RBM4: variants seen among roughly 807,000 people sequenced by gnomAD.
The protein encoded by RBM4 is RNA binding motif protein 4, also known as RNA-binding protein 4.
A neutral mutation model predicts 29.5 loss-of-function variants in RBM4; 7 were observed. The observed-to-expected ratio is 0.24, with a 90% CI of 0.14 to 0.45. The LOEUF is 0.45. Among genes scored for constraint, RBM4 ranks in the 20% least tolerant of loss-of-function variants. The pLI, the probability that RBM4 is intolerant of heterozygous loss-of-function variation, is 1.00. For synonymous variants in RBM4, 220 were observed against 205.4 expected (o/e 1.07, Z -0.61); for missense variants, 387 against 502.3 (o/e 0.77, Z 2.19).
At position 66,643,913 on chromosome 11, in the gene RBM4, C is replaced by G. The variant is rs775910343; in HGVS notation, c.876C>G (p.Ala292=). The change falls in exon 3 of 4, where the codon GCC becomes GCG. Residue 292 remains alanine (A), a synonymous_variant. Coordinates refer to ENST00000310092, the MANE Select transcript of RBM4 (RefSeq NM_002896.4). This position sits in a 1 kb window ranked among gnomAD's most constrained non-coding sequence, Gnocchi z 6.1. ...CCACAGCTGCTGCTGCAGCAGCAGCCGCTGCTGCTGTTACTGCAGCTTCCA... is the reference window on the plus strand; with the variant it reads ...CCACAGCTGCTGCTGCAGCAGCAGCGGCTGCTGCTGTTACTGCAGCTTCCA... ...AAATAAAAAA[A]AAAVTAASTS... is the part of the protein sequence containing the mutation. The G allele has an allele frequency of 6.2e-7, 1 of 1,608,930 alleles. No individual in the cohort carries two copies. The highest frequency in any genetic ancestry group is 1.7e-5 in the Admixed American group (1 of 59,304).
At chr11:66,665,758 T>C in intron 2 of RBM4, 1 of 1,302,356 alleles carries the variant, frequency 7.7e-7, no homozygotes, top group Non-Finnish European at 1.0e-6. Context: ...TCAATAGCTA[T>C]ATATAGGAAT....
chr11:66,654,598 C>T (rs1938903830), intron 2 of RBM4, among the ~76,000 whole-genome samples: 1 of 151,720 alleles, frequency 6.6e-6, no homozygotes, highest in South Asian at 2.1e-4. Context: ...ATCTCCCAGG[C>T]TGAAGCTATC....
chr11:66,648,071 T>C (rs1230116029), downstream of RBM4, among the ~76,000 whole-genome samples: 1 of 152,034 alleles, frequency 6.6e-6, no homozygotes, highest in African/African-American at 2.4e-5. Flanking sequence ...CTGGGTGTGG[T>C]GGCACGCACC....
At chr11:66,655,950 A>T in intron 2 of RBM4, among the ~76,000 whole-genome samples, 1 of 151,962 alleles carries the variant, frequency 6.6e-6, no homozygotes, top group Non-Finnish European at 1.5e-5. Context: ...TCTGGGAAGA[A>T]CCAGGAAGAG....
chr11:66,658,230 G>C (rs545372795), intron 2 of RBM4, among the ~76,000 whole-genome samples: 1 of 150,208 alleles, frequency 6.7e-6, no homozygotes, highest in South Asian at 2.1e-4. Context: ...GTTTCTCCGT[G>C]GTGGTCAGGT....
intron 2 of RBM4, among the ~76,000 whole-genome samples, chr11:66,660,351 CTTTTTTTT>C (rs56839505): frequency 1.3e-4 from 16 of 127,572 alleles, no homozygotes; most frequent in Admixed American, 1.2e-3. Flanking sequence ...GGGAGTCTCT[CTTTTTTTT>C]TTTTTTTTTT....
downstream of RBM4, among the ~76,000 whole-genome samples, chr11:66,650,263 T>C (rs1026548584): frequency 2.0e-5 from 3 of 152,216 alleles, no homozygotes; most frequent in African/African-American, 4.8e-5. Context: ...GTTAACCCTG[T>C]TAACTTTGCC....
chr11:66,647,167 G>T (rs889855118), downstream of RBM4, among the ~76,000 whole-genome samples: 76 of 152,218 alleles, frequency 5.0e-4, 1 homozygote, highest in African/African-American at 1.6e-3. Context: ...TGTTTGGTCT[G>T]TACCTTCTTG....
At chr11:66,665,083 G>A (rs1383436133) in intron 2 of RBM4, 1 of 154,540 alleles carries the variant, frequency 6.5e-6, no homozygotes, top group East Asian at 1.9e-4. Context: ...TTCAGCTAAT[G>A]CTGTACCACG....
At chr11:66,664,494 CTTG>C (rs749493934) in intron 2 of RBM4, among the ~76,000 whole-genome samples, 2 of 150,926 alleles carry the variant, frequency 1.3e-5, no homozygotes, top group Admixed American at 6.6e-5. Context: ...GAGTTTCGCT[CTTG>C]TTGTCCAGGC....
At chr11:66,645,921 T>G in intron 3 of RBM4, 106 bp from the exon 4 acceptor site, 1 of 1,525,162 alleles carries the variant, frequency 6.6e-7, no homozygotes. Context: ...ACAAGTAAAC[T>G]TAAAAGGAGT....
At chr11:66,659,036 A>G (rs556419490) in intron 2 of RBM4, among the ~76,000 whole-genome samples, 4 of 147,940 alleles carry the variant, frequency 2.7e-5, no homozygotes, top group Non-Finnish European at 4.5e-5. Flanking sequence ...ATACATTAAA[A>G]TTTTTTTTTT....
At chr11:66,653,931 C>T (rs980795606) in intron 2 of RBM4, among the ~76,000 whole-genome samples, 1 of 151,718 alleles carries the variant, frequency 6.6e-6, no homozygotes, top group Non-Finnish European at 1.5e-5. Flanking sequence ...ATGGCATGCA[C>T]CTGTAGTCTC....
At chr11:66,653,307 C>T (rs1302696477) in intron 2 of RBM4, among the ~76,000 whole-genome samples, 1 of 151,710 alleles carries the variant, frequency 6.6e-6, no homozygotes, top group Non-Finnish European at 1.5e-5. Flanking sequence ...TCAGCCTACT[C>T]AACATGAATA....
rs577900113 is a variant in RBM4, at chr11:66,661,212, G to A, written c.413-4644G>A. Among the ~76,000 whole-genome samples the A allele has an allele frequency of 7.9e-5, 12 of 152,322 alleles. 1 individual carries two copies. In the South Asian group the frequency reaches 2.3e-3, roughly 29 times the overall value. ...CATTTCTCCTCAGCGGCAGAGCCTAGCTCTGGTCTGAAGAAAGCCGAGATT... is the reference window on the plus strand; with the variant it reads ...CATTTCTCCTCAGCGGCAGAGCCTAACTCTGGTCTGAAGAAAGCCGAGATT... On this transcript the variant is annotated intron_variant, in intron 2 of 2. Coordinates refer to the RBM4 transcript ENST00000396053.
intron 2 of RBM4, among the ~76,000 whole-genome samples, chr11:66,659,712 C>T (rs1337529209): frequency 1.3e-5 from 2 of 152,094 alleles, no homozygotes; most frequent in South Asian, 2.1e-4. Context: ...GTCATTCTTA[C>T]GCCCTCCCCA....
At chr11:66,664,779 T>C (rs1939165658) in intron 2 of RBM4, among the ~76,000 whole-genome samples, 1 of 152,146 alleles carries the variant, frequency 6.6e-6, no homozygotes, top group South Asian at 2.1e-4. Context: ...TTATTTTTGG[T>C]AGAGACAGGG....
intron 2 of RBM4, among the ~76,000 whole-genome samples, chr11:66,656,542 G>C (rs1183431689): frequency 1.3e-5 from 2 of 152,110 alleles, no homozygotes; most frequent in African/African-American, 4.8e-5. Flanking sequence ...CTCCCAAAAT[G>C]CTGAGGTTAC....
intron 2 of RBM4, among the ~76,000 whole-genome samples, chr11:66,657,639 C>T (rs12804428): frequency 5.0e-4 from 72 of 145,130 alleles, no homozygotes; most frequent in Middle Eastern, 3.6e-3. Flanking sequence ...GATGAGATAG[C>T]GCCACTGCAC....
Sources: gnomAD v4.1 joint callset for allele counts (sites outside exome capture counted in the v4.1 genomes callset) on GRCh38, gnomAD v4.1.1 for gene constraint, Gnocchi (gnomAD v3.1) non-coding constraint, MANE v1.5 for transcripts, NCBI Gene and HGNC (gene_info 2026-07-23, HGNC 2026-07-21) for gene names.